ANKFN1: variants seen among roughly 807,000 people sequenced by gnomAD.
The protein encoded by ANKFN1 is ankyrin repeat and fibronectin type III domain containing 1.
A neutral mutation model predicts 108.7 loss-of-function variants in ANKFN1; 74 were observed. The observed-to-expected ratio is 0.68, with a 90% CI of 0.56 to 0.83. The LOEUF (loss-of-function observed/expected upper bound fraction) is 0.83, where lower values mean the gene tolerates loss of function less well. Among genes scored for constraint, ANKFN1 ranks in the 40% least tolerant of loss-of-function variants. The pLI is 0.00. For missense variants in ANKFN1, 1,505 were observed against 1,382.3 expected (o/e 1.09, Z -1.41); for synonymous variants, 547 against 516.2 (o/e 1.06, Z -0.81).
At chr17:56,358,456 T>C (rs1274504593) in intron 6 of ANKFN1, among the ~76,000 whole-genome samples, 3 of 152,134 alleles carry the variant, frequency 2.0e-5, no homozygotes, top group East Asian at 1.9e-4. Context: ...TCCTTACTCA[T>C]AGAAAAATCC....
intron 8 of ANKFN1, among the ~76,000 whole-genome samples, chr17:56,410,456 A>T (rs1337014052): frequency 6.6e-6 from 1 of 152,182 alleles, no homozygotes; most frequent in Non-Finnish European, 1.5e-5. Context: ...ATATGATTTG[A>T]TCTATGTATA....
At chr17:56,135,603 G>A (rs1045379629) in intron 4 of ANKFN1, among the ~76,000 whole-genome samples, 1 of 152,146 alleles carries the variant, frequency 6.6e-6, no homozygotes, top group Non-Finnish European at 1.5e-5. Context: ...TCCAGTCAGT[G>A]GGGCTTGAAA....
chr17:56,300,938 G>A (rs1316202789), intron 3 of ANKFN1, among the ~76,000 whole-genome samples: 1 of 152,314 alleles, frequency 6.6e-6, no homozygotes, highest in African/African-American at 2.4e-5. Context: ...CATACAAGTA[G>A]TCTAAGAGAA....
At chr17:56,114,158 G>T (rs2143265388) in intron 4 of ANKFN1, among the ~76,000 whole-genome samples, 1 of 152,208 alleles carries the variant, frequency 6.6e-6, no homozygotes, top group East Asian at 1.9e-4. Flanking sequence ...TCATCTTTTA[G>T]TTAAACAGAG....
At chr17:56,171,884 A>G (rs567675108) in intron 1 of ANKFN1, among the ~76,000 whole-genome samples, 1 of 152,306 alleles carries the variant, frequency 6.6e-6, no homozygotes, top group African/African-American at 2.4e-5. Flanking sequence ...AAAAGAATCA[A>G]GGAAGGTCTC....
chr17:56,303,719 C>G (rs1341505752), intron 3 of ANKFN1, among the ~76,000 whole-genome samples: 2 of 152,152 alleles, frequency 1.3e-5, no homozygotes, highest in Non-Finnish European at 2.9e-5. Context: ...GAGTCTCACT[C>G]TGTCAGCCAG....
chr17:56,331,609 AGTT>A (rs201284104), intron 4 of ANKFN1, among the ~76,000 whole-genome samples: 444 of 152,242 alleles, frequency 2.9e-3, no homozygotes, highest in African/African-American at 9.9e-3. Flanking sequence ...ATAATAGCAG[AGTT>A]GTTGTAAGTA....
At chr17:56,294,873 T>C (rs993280918) in intron 3 of ANKFN1, among the ~76,000 whole-genome samples, 1 of 152,208 alleles carries the variant, frequency 6.6e-6, no homozygotes, top group African/African-American at 2.4e-5. Flanking sequence ...GGAAGAACTT[T>C]CACAAGGCAT....
intron 3 of ANKFN1, among the ~76,000 whole-genome samples, chr17:56,235,687 C>T (rs928725048): frequency 1.3e-5 from 2 of 152,060 alleles, no homozygotes; most frequent in Non-Finnish European, 2.9e-5. Context: ...TATTTCTAGG[C>T]TCCTTATTCT....
chr17:56,444,415 C>A (rs6505058), intron 10 of ANKFN1, among the ~76,000 whole-genome samples: 121,036 of 151,550 alleles, frequency 0.8, 48,635 homozygotes, highest in East Asian at 0.97. Flanking sequence ...GTTTTTTTAA[C>A]TATGCCTGTG....
At chr17:56,442,995 C>G in intron 10 of ANKFN1, 62 bp downstream of exon 10, 1 of 1,544,158 alleles carries the variant, frequency 6.5e-7, no homozygotes, top group South Asian at 1.1e-5. Context: ...ACTCCATCTT[C>G]AGGGTGCCAT....
At chr17:56,116,545 T>A (rs1022337991) in intron 4 of ANKFN1, among the ~76,000 whole-genome samples, 1 of 152,078 alleles carries the variant, frequency 6.6e-6, no homozygotes, top group Non-Finnish European at 1.5e-5. Context: ...TTAGTTCCCA[T>A]GAAAACTGGT....
Position 56,273,964 on chromosome 17 carries a change from T to C in ANKFN1, c.53+46007T>C, listed in dbSNP as rs542936952. Among the ~76,000 whole-genome samples, 30 of 152,346 alleles carry C rather than the reference T, an allele frequency of 2.0e-4. 1 individual carries two copies. Among genetic ancestry groups the C allele is most frequent in the African/African-American group, 7.2e-4 (30 of 41,594 alleles). On this transcript the variant is annotated intron_variant, in intron 3 of 20. Transcript: ENST00000682825. ...TTTCTTGACATTGACTTCTTCTATG[T>C]TTGCTTCATTCTCATCAATGACAGG...
intron 8 of ANKFN1, among the ~76,000 whole-genome samples, chr17:56,399,843 T>TTATA (rs71139904): frequency 0.023 from 1,466 of 64,706 alleles, 8 homozygotes; most frequent in Non-Finnish European, 0.052. Flanking sequence ...ATTCCATTTT[T>TTATA]TATATATATA....
At chr17:56,100,833 T>C (rs989486346) in intron 4 of ANKFN1, among the ~76,000 whole-genome samples, 1 of 152,312 alleles carries the variant, frequency 6.6e-6, no homozygotes, top group South Asian at 2.1e-4. Flanking sequence ...TCCCCCAAAC[T>C]TCACCTGTAG....
intron 1 of ANKFN1, among the ~76,000 whole-genome samples, chr17:56,178,584 A>G (rs988135186): frequency 1.3e-5 from 2 of 152,018 alleles, no homozygotes; most frequent in Non-Finnish European, 2.9e-5. Context: ...GCTTTTCCCA[A>G]ATCAGACTCT....
At chr17:56,056,999 T>C (rs1229155764) in intron 4 of ANKFN1, among the ~76,000 whole-genome samples, 2 of 152,374 alleles carry the variant, frequency 1.3e-5, no homozygotes, top group East Asian at 1.9e-4. Flanking sequence ...CCCAAGTTTA[T>C]GTATTTTCAA....
Position 56,094,680 on chromosome 17 carries a change from T to TTTG in ANKFN1, c.288+48357_288+48358insGTT, listed in dbSNP as rs768857362. On this transcript the variant is annotated intron_variant, in intron 4 of 12. Coordinates refer to the ANKFN1 transcript ENST00000635860. ...CACCACGCCCAGCTAATTGGGTTTT[T>TTTG]TTTTTTTTTTTTTGTATTTTTAGTA... Among the ~76,000 whole-genome samples the TTTG allele has an allele frequency of 3.9e-3, 224 of 57,696 alleles. 8 individuals carry two copies. The highest frequency in any genetic ancestry group is 6.5e-3 in the Non-Finnish European group (114 of 17,672). The allele number at this position is 57,696 out of a possible 152,430, so 37.9% of individuals were successfully genotyped here. A position where few individuals can be genotyped will look rare whatever the true frequency, so the allele number is the denominator to read the frequency against.
At chr17:56,131,696 A>G (rs1300194255) in intron 4 of ANKFN1, among the ~76,000 whole-genome samples, 4 of 152,176 alleles carry the variant, frequency 2.6e-5, no homozygotes, top group Admixed American at 6.5e-5. Flanking sequence ...CAGGCTATTT[A>G]AAGAGATTTA....
Sources: allele counts gnomAD v4.1 joint callset (sites outside exome capture counted in the v4.1 genomes callset), GRCh38; gene constraint gnomAD v4.1.1; transcripts MANE v1.5; gene names NCBI Gene and HGNC (gene_info 2026-07-23, HGNC 2026-07-21).